The following GRIA2 variants were observed in gnomAD, a reference collection of about 807,000 sequenced individuals.
GRIA2 encodes the protein glutamate ionotropic receptor AMPA type subunit 2.
In GRIA2, 14 loss-of-function variants were observed where a neutral mutation model predicts 97.3. The ratio of observed to expected loss-of-function variants is 0.14; its 90% confidence interval spans 0.10 to 0.23. GRIA2 has a LOEUF of 0.23. Ranked by LOEUF, GRIA2 falls within the 10% of genes least tolerant of loss-of-function variation. The pLI is 1.00. For synonymous variants in GRIA2, 412 were observed against 387.8 expected (o/e 1.06, Z -0.73); for missense variants, 558 against 1,069.8 (o/e 0.52, Z 6.67).
chr4:157,250,932 T>C (rs548209709), intron 2 of GRIA2, among the ~76,000 whole-genome samples: 27 of 152,236 alleles, frequency 1.8e-4, no homozygotes, highest in African/African-American at 6.5e-4. Context: ...CTATGCTTGC[T>C]TTTCCTCTTC....
At chr4:157,230,468 T>C (rs187048499) in intron 2 of GRIA2, among the ~76,000 whole-genome samples, 6 of 152,294 alleles carry the variant, frequency 3.9e-5, no homozygotes, top group East Asian at 1.9e-4. Flanking sequence ...GGCAGGGCTG[T>C]AAGAATTTGC....
intron 12 of GRIA2, among the ~76,000 whole-genome samples, chr4:157,347,657 T>C (rs140537210): frequency 4.1e-4 from 63 of 152,338 alleles, no homozygotes; most frequent in African/African-American, 1.4e-3. Flanking sequence ...AGTAAAAGAA[T>C]GATCTCTGCC....
At chr4:157,326,037 T>G (rs1579365417) in intron 6 of GRIA2, among the ~76,000 whole-genome samples, 1 of 152,090 alleles carries the variant, frequency 6.6e-6, no homozygotes, top group Admixed American at 6.6e-5. Context: ...TGTCACCCAG[T>G]CCCATGGAGC....
intron 2 of GRIA2, among the ~76,000 whole-genome samples, chr4:157,235,780 A>C (rs1469578264): frequency 6.6e-6 from 1 of 152,060 alleles, no homozygotes; most frequent in Admixed American, 6.6e-5. Context: ...AAATCAGTTT[A>C]AACTGGCATA....
intron 12 of GRIA2, among the ~76,000 whole-genome samples, chr4:157,355,604 T>A (rs1469525424): frequency 3.6e-5 from 5 of 139,304 alleles, no homozygotes; most frequent in Non-Finnish European, 7.6e-5. Flanking sequence ...ATATATATAT[T>A]TATATATATT....
chr4:157,275,066 G>C (rs1732226616), intron 2 of GRIA2, among the ~76,000 whole-genome samples: 1 of 152,030 alleles, frequency 6.6e-6, no homozygotes, highest in East Asian at 1.9e-4. Context: ...CATTCTAACT[G>C]GTGTGAGATG....
intron 5 of GRIA2, among the ~76,000 whole-genome samples, chr4:157,320,752 A>G (rs2126903716): frequency 6.6e-6 from 1 of 152,268 alleles, no homozygotes; most frequent in Admixed American, 6.5e-5. Flanking sequence ...ATGGAAATTA[A>G]TTTCATCTTT....
At chr4:157,277,096 C>G (rs1732355561) in intron 2 of GRIA2, among the ~76,000 whole-genome samples, 1 of 151,780 alleles carries the variant, frequency 6.6e-6, no homozygotes, top group Non-Finnish European at 1.5e-5. Flanking sequence ...AACCAGAAAA[C>G]TACAGATCAA....
chr4:157,364,198 T>C lies in GRIA2; in HGVS notation c.*767T>C, dbSNP rs1479048757. ...GTAATTTAATATTGTTATTAAAACT[T>C]TAATGTATCCTATTCTTTAACATTT... On this transcript the variant is annotated 3_prime_UTR_variant, in exon 16 of 16. Transcript: ENST00000264426. 6.6e-6 allele frequency: 1 copy of C among 152,484 alleles called. No individual in the cohort carries two copies. Among genetic ancestry groups the C allele is most frequent in the East Asian group, 1.9e-4 (1 of 5,184 alleles). 9.4% of individuals were successfully genotyped at this position (152,484 alleles called of 1,614,324 possible). A position where few individuals can be genotyped will look rare whatever the true frequency, so the allele number is the denominator to read the frequency against.
At chr4:157,277,463 T>G (rs1579325706) in intron 2 of GRIA2, among the ~76,000 whole-genome samples, 1 of 151,904 alleles carries the variant, frequency 6.6e-6, no homozygotes, top group East Asian at 1.9e-4. Flanking sequence ...ATTGCTAAGA[T>G]CAGGAACAAA....
Position 157,361,534 on chromosome 4 carries a change from G to A in GRIA2, c.2406+410G>A. 5 of 1,550,036 alleles carry A rather than the reference G, an allele frequency of 3.2e-6. No individual in the cohort carries two copies. The highest frequency in any genetic ancestry group is 3.6e-6 in the Non-Finnish European group (4 of 1,122,022). On this transcript the variant is annotated intron_variant, in intron 14 of 15. Transcript: ENST00000264426. The surrounding 1 kb of genome is among the most constrained non-coding windows in gnomAD (Gnocchi z 5.2). ...ATGTTATTTATGTTATTTTCCACGT[G>A]AAGAACCCCAGTAAATCTTGCAGTA...
chr4:157,310,953 G>A (rs1328013834), intron 3 of GRIA2, among the ~76,000 whole-genome samples: 1 of 151,948 alleles, frequency 6.6e-6, no homozygotes, highest in African/African-American at 2.4e-5. Flanking sequence ...CACCAAAATA[G>A]GTGGGTTGAA....
intron 2 of GRIA2, among the ~76,000 whole-genome samples, chr4:157,302,176 CAAAAAAAA>C (rs1209652829): frequency 1.5e-5 from 1 of 67,090 alleles, no homozygotes; most frequent in Admixed American, 1.7e-4. Flanking sequence ...GACTGTGTCT[CAAAAAAAA>C]AAAAAAAAAA....
chr4:157,298,450 T>A (rs562377830), intron 2 of GRIA2, among the ~76,000 whole-genome samples: 1 of 151,992 alleles, frequency 6.6e-6, no homozygotes, highest in African/African-American at 2.4e-5. Flanking sequence ...ATAGTTATCA[T>A]GCATGAGCAG....
intron 2 of GRIA2, among the ~76,000 whole-genome samples, chr4:157,295,370 A>AT (rs1733297632): frequency 6.6e-6 from 1 of 152,148 alleles, no homozygotes; most frequent in Non-Finnish European, 1.5e-5. Flanking sequence ...CATCATAAAT[A>AT]TTTGTGGCAG....
At chr4:157,325,278 T>C (rs1219339083) in intron 6 of GRIA2, among the ~76,000 whole-genome samples, 1 of 152,188 alleles carries the variant, frequency 6.6e-6, no homozygotes, top group East Asian at 1.9e-4. Context: ...CCACCAAATA[T>C]AAATTACAAT....
rs75635524 is a variant in GRIA2, at chr4:157,223,058, G to A, written c.229+1251G>A. On this transcript the variant is annotated intron_variant, in intron 2 of 15. Coordinates refer to ENST00000264426, the MANE Select transcript of GRIA2 (RefSeq NM_001083619.3). ...TGGCTCACTTCCCACTTTGGCTACA[G>A]AGCTTGGGGAAAATTACCACAGGAA... Among the ~76,000 whole-genome samples the A allele has an allele frequency of 0.014, 2,145 of 152,266 alleles. 90 individuals carry two copies. The East Asian group carries it at 0.15, about 11-fold the overall frequency.
At chr4:157,274,089 C>T (rs939141428) in intron 2 of GRIA2, among the ~76,000 whole-genome samples, 3 of 151,930 alleles carry the variant, frequency 2.0e-5, no homozygotes, top group Admixed American at 2.0e-4. Flanking sequence ...TTGAGAGAAA[C>T]AAAACCACTA....
chr4:157,362,368 A>T, intron 14 of GRIA2: 1 of 456,662 alleles, frequency 2.2e-6, no homozygotes. Context: ...CATGGTCAAC[A>T]TTTAAAACTT....
Sources: gnomAD v4.1 joint callset for allele counts (sites outside exome capture counted in the v4.1 genomes callset) on GRCh38, gnomAD v4.1.1 for gene constraint, Gnocchi (gnomAD v3.1) non-coding constraint, MANE v1.5 for transcripts, NCBI Gene and HGNC (gene_info 2026-07-23, HGNC 2026-07-21) for gene names.